The following ADGRD1 variants were observed in gnomAD, a reference collection of about 807,000 sequenced individuals.
ADGRD1 encodes the protein G-protein coupled receptor 133.
A neutral mutation model predicts 113.4 loss-of-function variants in ADGRD1; 77 were observed. The observed-to-expected ratio is 0.68, with a 90% confidence interval of 0.57 to 0.82. The LOEUF (loss-of-function observed/expected upper bound fraction) is 0.82. Among genes scored for constraint, ADGRD1 ranks in the 40% least tolerant of loss-of-function variants. The pLI, the probability that ADGRD1 is intolerant of heterozygous loss-of-function variation, is 0.00. For missense variants in ADGRD1, 1,036 were observed against 1,139.1 expected, an observed-to-expected ratio of 0.91 and a Z score of 1.30; for synonymous variants, 474 against 475.0, an observed-to-expected ratio of 1.00 and a Z score of 0.03.
At chr12:131,098,111 G>A (rs1213879640) in intron 15 of ADGRD1, among the ~76,000 whole-genome samples, 1 of 35,308 alleles carries the variant, frequency 2.8e-5, no homozygotes, top group Non-Finnish European at 8.2e-5. Flanking sequence ...CTCTGCTGCT[G>A]TCCCCTCTCC....
At chr12:130,997,584 G>A (rs950014596) in intron 8 of ADGRD1, among the ~76,000 whole-genome samples, 4 of 151,328 alleles carry the variant, frequency 2.6e-5, no homozygotes, top group Non-Finnish European at 1.5e-5. Flanking sequence ...GGGCAAAGGC[G>A]CTCCCCACAT....
chr12:131,006,329 C>T (rs1477214491), intron 12 of ADGRD1, among the ~76,000 whole-genome samples: 2 of 152,250 alleles, frequency 1.3e-5, no homozygotes, highest in African/African-American at 2.4e-5. Flanking sequence ...GACTTAACCT[C>T]TCTGAGCCTC....
chr12:131,138,219 ACTCGGAC>A lies in ADGRD1; in HGVS notation c.2524_2529+1del. The stretch of plus-strand genomic sequence containing the variant: ...CGCACCTCCAACGCGAAGCCCTTCC[ACTCGGAC>A]CTCGTGAGTGCAGCCTCCATAAACC... On this transcript the variant is annotated frameshift_variant, in exon 24 of 25. Coordinates refer to ENST00000261654, the MANE Select transcript of ADGRD1 (RefSeq NM_198827.5). LOFTEE classifies it high-confidence loss of function. 6.2e-7 allele frequency: 1 copy of A among 1,612,938 alleles called. No individual in the cohort carries two copies. Among genetic ancestry groups the A allele is most frequent in the Non-Finnish European group, 8.5e-7 (1 of 1,179,660 alleles).
At chr12:130,995,830 A>G (rs111977022) in intron 8 of ADGRD1, among the ~76,000 whole-genome samples, 4,444 of 151,880 alleles carry the variant, frequency 0.029, 132 homozygotes, top group African/African-American at 0.081. Flanking sequence ...GCAGGGTCAT[A>G]GGACAATAGT....
intron 13 of ADGRD1, among the ~76,000 whole-genome samples, chr12:131,028,588 T>C (rs1312130272): frequency 6.6e-6 from 1 of 152,244 alleles, no homozygotes; most frequent in African/African-American, 2.4e-5. Context: ...TTTGGGCCTG[T>C]GGTCCTTCTC....
At chr12:131,118,695 G>GCA (rs1325321594) in intron 19 of ADGRD1, among the ~76,000 whole-genome samples, 3 of 152,214 alleles carry the variant, frequency 2.0e-5, no homozygotes, top group Non-Finnish European at 4.4e-5. Flanking sequence ...TCCAGGAATA[G>GCA]CAGGGGGCCT....
chr12:130,992,044 C>T (rs1246897901), intron 7 of ADGRD1, among the ~76,000 whole-genome samples, 193 bp from the exon 8 acceptor site: 1 of 151,388 alleles, frequency 6.6e-6, no homozygotes, highest in Non-Finnish European at 1.5e-5. Flanking sequence ...TCGCTTGAAC[C>T]CGGGAGGCAG....
chr12:131,120,389 C>T (rs1950564287), intron 19 of ADGRD1, among the ~76,000 whole-genome samples: 2 of 152,146 alleles, frequency 1.3e-5, no homozygotes, highest in South Asian at 4.1e-4. Flanking sequence ...CACTAGGACC[C>T]TCTGGAACCT....
intron 18 of ADGRD1, among the ~76,000 whole-genome samples, chr12:131,116,564 C>T (rs1950468942): frequency 2.1e-5 from 3 of 142,240 alleles, no homozygotes; most frequent in African/African-American, 9.4e-5. Context: ...TGCCAGGAGC[C>T]ACCTTCCCTC....
chr12:131,033,214 C>T (rs1427102440), intron 13 of ADGRD1, among the ~76,000 whole-genome samples: 1 of 152,132 alleles, frequency 6.6e-6, no homozygotes, highest in Non-Finnish European at 1.5e-5. Flanking sequence ...GGGTGGGTCC[C>T]CTGTAGCTGT....
chr12:131,084,804 C>A lies in ADGRD1; in HGVS notation c.1671+141C>A. 1.1e-6 allele frequency: 1 copy of A among 911,134 alleles called. No individual in the cohort carries two copies. The highest frequency in any genetic ancestry group is 2.6e-5 in the East Asian group (1 of 37,960). The allele number at this position is 911,134 out of a possible 1,614,324, so 56.4% of individuals were successfully genotyped here. On this transcript the variant is annotated intron_variant, in intron 15 of 24. Transcript: ENST00000261654. The surrounding 1 kb of genome is among the most constrained non-coding windows in gnomAD (Gnocchi z 4.5). ...TGGGGCCTGTGTTTACAGACGGAAT[C>A]CATTCTCTTGGCTTCTGTAGTCCAG... is the stretch of plus-strand genomic sequence containing the variant.
At position 130,954,502 on chromosome 12, in the gene ADGRD1, T is replaced by C; in HGVS notation, c.37T>C (p.Trp13Arg). ...GCTGCGGCTGTGCTGCTGGTACTCC[T>C]GGCTGCTGCTATTTTATTACAACTT... Reference protein sequence around the residue: ...KLLRLCCWYSWLLLFYYNFQV... With the variant: ...KLLRLCCWYSRLLLFYYNFQV... Residue 13 changes from tryptophan to arginine, a missense_variant, in exon 1 of 25, where the codon TGG becomes CGG. Coordinates refer to ENST00000261654, the MANE Select transcript of ADGRD1 (RefSeq NM_198827.5). The surrounding 1 kb of genome is among the most constrained non-coding windows in gnomAD (Gnocchi z 4.7). 2 of 1,593,246 alleles carry C rather than the reference T, an allele frequency of 1.3e-6. No homozygotes were observed.
rs377674762 is a variant in ADGRD1 at position 131,056,937 on chromosome 12, A to G, written c.1474-19864A>G. Among the ~76,000 whole-genome samples the G allele has an allele frequency of 4.4e-4, 67 of 152,322 alleles. No individual in the cohort carries two copies. In the Middle Eastern group the frequency reaches 0.014, roughly 31 times the overall value. ...TGAAGACACCCATGTCCCAGGAGCCAGTTGTGGAGGCGTTGATTGTGCCGT... is the reference window on the plus strand; with the variant it reads ...TGAAGACACCCATGTCCCAGGAGCCGGTTGTGGAGGCGTTGATTGTGCCGT... On this transcript the variant is annotated intron_variant, in intron 13 of 24. Coordinates refer to ENST00000261654, the MANE Select transcript of ADGRD1 (RefSeq NM_198827.5).
In ADGRD1 at chr12:130,966,664, T is replaced by A; in HGVS notation, c.187+118T>A. The A allele has an allele frequency of 1.4e-6, 1 of 708,908 alleles. No individual in the cohort carries two copies. The allele number at this position is 708,908 out of a possible 1,614,324, so 43.9% of individuals were successfully genotyped here. A position where few individuals can be genotyped will look rare whatever the true frequency, so the allele number is the denominator to read the frequency against. On this transcript the variant is annotated intron_variant, in intron 3 of 24. Transcript: ENST00000261654. The surrounding 1 kb of genome is among the most constrained non-coding windows in gnomAD (Gnocchi z 4.6). ...CAGGGCCATTGGGGGACGTGGGTGC[T>A]GAGAGTGACTGTGGGCCGGGGAATC...
At chr12:131,040,954 G>A (rs756433259) in intron 13 of ADGRD1, among the ~76,000 whole-genome samples, 4 of 152,182 alleles carry the variant, frequency 2.6e-5, no homozygotes, top group African/African-American at 4.8e-5. Context: ...TGAACTTCTC[G>A]CGGTGCAGGT....
chr12:131,031,099 C>T (rs1205666082), intron 13 of ADGRD1, among the ~76,000 whole-genome samples: 1 of 152,204 alleles, frequency 6.6e-6, no homozygotes, highest in African/African-American at 2.4e-5. Flanking sequence ...CCACACTGGG[C>T]CCCGGGGAGC....
intron 13 of ADGRD1, 123 bp downstream of exon 13, chr12:131,014,463 A>G (rs745582601): frequency 2.3e-6 from 2 of 854,180 alleles, no homozygotes; most frequent in Non-Finnish European, 3.6e-6. Context: ...CCGAACTGGA[A>G]TCTTCCTCTC....
In ADGRD1 at chr12:131,105,734, C is replaced by T. The variant is rs1950220482; in HGVS notation, c.1776-20C>T. ...GGGTCGGCGCAGGGCCCAGGCCTCA[C>T]ACCCTGCCTCTGTCCTCAGCTCCGT... is the stretch of plus-strand genomic sequence containing the variant. On this transcript the variant is annotated intron_variant, in intron 16 of 24. Coordinates refer to ENST00000261654, the MANE Select transcript of ADGRD1 (RefSeq NM_198827.5). 6.3e-7 allele frequency: 1 copy of T among 1,587,584 alleles called. No homozygotes were observed. Among genetic ancestry groups the T allele is most frequent in the Admixed American group, 1.7e-5 (1 of 59,712 alleles).
At chr12:131,086,938 C>T (rs919602765) in intron 15 of ADGRD1, among the ~76,000 whole-genome samples, 2 of 152,202 alleles carry the variant, frequency 1.3e-5, no homozygotes, top group Non-Finnish European at 2.9e-5. Context: ...CAGGGTCTCA[C>T]CCTGTTGCCC....
Sources: allele counts gnomAD v4.1 joint callset (sites outside exome capture counted in the v4.1 genomes callset), GRCh38; gene constraint gnomAD v4.1.1; non-coding constraint Gnocchi (gnomAD v3.1); transcripts MANE v1.5; gene names NCBI Gene and HGNC (gene_info 2026-07-23, HGNC 2026-07-21).